The following NBAS variants were observed in gnomAD, a reference collection of about 807,000 sequenced individuals.
NBAS encodes the protein NBAS subunit of NRZ tethering complex.
A neutral mutation model predicts 302.5 loss-of-function variants in NBAS; 219 were observed. That is an observed-to-expected ratio of 0.72 (90% CI 0.65 to 0.81). The LOEUF (loss-of-function observed/expected upper bound fraction) is 0.81, where lower values mean the gene tolerates loss of function less well. Ranked by LOEUF, NBAS falls within the 30% of genes least tolerant of loss-of-function variation. The pLI is 0.00. For missense variants in NBAS, 2,932 were observed against 2,841.6 expected, an observed-to-expected ratio of 1.03 and a Z score of -0.72; for synonymous variants, 1,118 against 1,021.6, an observed-to-expected ratio of 1.09 and a Z score of -1.80.
At chr2:15,315,467 C>A (rs917527184) in intron 38 of NBAS, among the ~76,000 whole-genome samples, 2 of 152,194 alleles carry the variant, frequency 1.3e-5, no homozygotes, top group African/African-American at 2.4e-5. Flanking sequence ...AAGAAATCCT[C>A]CCTGAAAACT....
At chr2:15,071,153 A>G in the NBAS span, among the ~76,000 whole-genome samples, 1 of 152,220 alleles carries the variant, frequency 6.6e-6, no homozygotes, top group Non-Finnish European at 1.5e-5. Context: ...AACCCAGGGA[A>G]ACAAGAGACC....
chr2:15,127,897 T>C, the NBAS span, among the ~76,000 whole-genome samples: 3 of 152,290 alleles, frequency 2.0e-5, no homozygotes, highest in East Asian at 1.9e-4. Context: ...ACATGAGCAA[T>C]GTAGGGCGAC....
the NBAS span, among the ~76,000 whole-genome samples, chr2:14,931,793 G>C: frequency 6.6e-6 from 1 of 152,156 alleles, no homozygotes; most frequent in Non-Finnish European, 1.5e-5. Flanking sequence ...AAAAGCAGCA[G>C]CCCTGACCCT....
the NBAS span, among the ~76,000 whole-genome samples, chr2:14,852,759 A>G: frequency 1.3e-5 from 2 of 148,578 alleles, no homozygotes; most frequent in Admixed American, 6.7e-5. Flanking sequence ...GCCCTCAGAA[A>G]TAATGCCGCA....
At chr2:15,387,314 G>A (rs977191463) in intron 28 of NBAS, among the ~76,000 whole-genome samples, 15 of 152,120 alleles carry the variant, frequency 9.9e-5, no homozygotes, top group South Asian at 2.1e-4. Context: ...TGATCCGCCC[G>A]CCTCGGCCTC....
At chr2:15,009,282 G>A in the NBAS span, among the ~76,000 whole-genome samples, 1 of 152,076 alleles carries the variant, frequency 6.6e-6, no homozygotes, top group South Asian at 2.1e-4. Context: ...CAATGGCAAT[G>A]TCAAGGACTC....
the NBAS span, among the ~76,000 whole-genome samples, chr2:14,920,757 C>T: frequency 6.6e-6 from 1 of 152,142 alleles, no homozygotes. Context: ...ATCTCTTCTG[C>T]AGCTTTCTCA....
the NBAS span, among the ~76,000 whole-genome samples, chr2:14,781,498 C>G: frequency 6.6e-6 from 1 of 151,778 alleles, no homozygotes. Flanking sequence ...TCCAATACAG[C>G]ATGGCAGGTT....
chr2:15,503,442 A>G (rs1661680250), intron 11 of NBAS, among the ~76,000 whole-genome samples: 1 of 152,186 alleles, frequency 6.6e-6, no homozygotes, highest in African/African-American at 2.4e-5. Flanking sequence ...TGAAGCAGTG[A>G]AAAAGATTAG....
intron 38 of NBAS, among the ~76,000 whole-genome samples, chr2:15,317,187 A>G (rs1034829950): frequency 7.9e-5 from 12 of 152,326 alleles, no homozygotes; most frequent in African/African-American, 2.9e-4. Flanking sequence ...TAACAAACAG[A>G]AAGGAATCGC....
the NBAS span, among the ~76,000 whole-genome samples, chr2:14,826,246 A>C: frequency 2.3e-4 from 35 of 152,352 alleles, no homozygotes; most frequent in African/African-American, 8.2e-4. Flanking sequence ...CTTTGTAATT[A>C]TGTAAAATTA....
the NBAS span, among the ~76,000 whole-genome samples, chr2:14,919,127 T>C: frequency 4.6e-5 from 7 of 152,224 alleles, no homozygotes; most frequent in Non-Finnish European, 1.5e-5. Flanking sequence ...CTGTGGCTTA[T>C]TCCAGGTGAG....
intron 44 of NBAS, among the ~76,000 whole-genome samples, chr2:15,274,973 G>T (rs1398870516): frequency 6.6e-6 from 1 of 151,348 alleles, no homozygotes; most frequent in Non-Finnish European, 1.5e-5. Flanking sequence ...AGTAGAGATG[G>T]GATTTCACCA....
chr2:15,230,127 G>T (rs1012762786), intron 47 of NBAS, among the ~76,000 whole-genome samples: 1 of 152,112 alleles, frequency 6.6e-6, no homozygotes, highest in African/African-American at 2.4e-5. Flanking sequence ...CCTGGCACGG[G>T]CTCCTAGAGG....
chr2:15,440,841 G>C (rs1199910601), intron 21 of NBAS, among the ~76,000 whole-genome samples: 1 of 151,908 alleles, frequency 6.6e-6, no homozygotes, highest in Non-Finnish European at 1.5e-5. Context: ...GCCAAGGCTG[G>C]AGAACTACGT....
At chr2:15,049,913 G>A in the NBAS span, among the ~76,000 whole-genome samples, 2 of 152,206 alleles carry the variant, frequency 1.3e-5, no homozygotes, top group African/African-American at 4.8e-5. Context: ...GTCCAGGTGC[G>A]CATGTCAAGC....
At chr2:14,818,931 CT>C in the NBAS span, among the ~76,000 whole-genome samples, 1 of 152,122 alleles carries the variant, frequency 6.6e-6, no homozygotes, top group Non-Finnish European at 1.5e-5. Context: ...TCCTACTACC[CT>C]TTTTTACCTA....
Position 15,538,387 on chromosome 2 carries a change from T to C in NBAS, c.513+836A>G, listed in dbSNP as rs746006817. ...CCACTCATTATTTCTGAAAAAAAAA[T>C]CATTATCTATATCATTGGTTTTCAA... On this transcript the variant is annotated intron_variant, in intron 7 of 51. Transcript: ENST00000281513. The C allele has an allele frequency of 2.3e-4, 103 of 444,368 alleles. No homozygotes were observed. The East Asian group carries it at 5.8e-3, about 25-fold the overall frequency. 27.5% of individuals were successfully genotyped at this position (444,368 alleles called of 1,614,324 possible). A position where few individuals can be genotyped will look rare whatever the true frequency, so the allele number is the denominator to read the frequency against.
In NBAS at chr2:15,440,153, A is replaced by G. The variant is rs541065331; in HGVS notation, c.2340-12359T>C. Among the ~76,000 whole-genome samples, 19 of 152,330 alleles carry G rather than the reference A, an allele frequency of 1.2e-4. No homozygotes were observed. The East Asian group carries it at 3.5e-3, about 28-fold the overall frequency. On this transcript the variant is annotated intron_variant, in intron 21 of 51. Transcript: ENST00000281513. Reference sequence around the variant, plus strand: ...CATGTCTGACAGCTTTGAAGAGAGCAGTGGTTCTCCCAGCACCCAACTGGA... The same window carrying G: ...CATGTCTGACAGCTTTGAAGAGAGCGGTGGTTCTCCCAGCACCCAACTGGA...
Sources: allele counts gnomAD v4.1 joint callset (sites outside exome capture counted in the v4.1 genomes callset), GRCh38; gene constraint gnomAD v4.1.1; transcripts MANE v1.5; gene names NCBI Gene and HGNC (gene_info 2026-07-23, HGNC 2026-07-21).